Variants in GRIP1 observed in about 807,000 individuals in gnomAD.
GRIP1 encodes glutamate receptor-interacting protein 1.
In GRIP1, 45 loss-of-function variants were observed where a neutral mutation model predicts 129.9. The ratio of observed to expected loss-of-function variants is 0.35; its 90% confidence interval spans 0.27 to 0.44. GRIP1 has a LOEUF of 0.44. Among genes scored for constraint, GRIP1 ranks in the 20% least tolerant of loss-of-function variants. GRIP1 has a pLI of 1.00. For synonymous variants in GRIP1, 530 were observed against 520.8 expected, an observed-to-expected ratio of 1.02 and a Z score of -0.24; for missense variants, 1,196 against 1,396.8, an observed-to-expected ratio of 0.86 and a Z score of 2.29.
At chr12:66,718,712 C>T (rs2035967580) in intron 1 of GRIP1, among the ~76,000 whole-genome samples, 1 of 151,986 alleles carries the variant, frequency 6.6e-6, no homozygotes, top group Non-Finnish European at 1.5e-5. Flanking sequence ...ATTAGCCAGG[C>T]ATGGTGGCAG....
intron 1 of GRIP1, among the ~76,000 whole-genome samples, chr12:66,870,223 C>T (rs541291683): frequency 6.6e-6 from 1 of 151,908 alleles, no homozygotes; most frequent in Non-Finnish European, 1.5e-5. Flanking sequence ...ACAGTTGGGG[C>T]AAATATGCAT....
chr12:66,396,897 G>T (rs533186949), intron 16 of GRIP1, among the ~76,000 whole-genome samples: 1 of 151,916 alleles, frequency 6.6e-6, no homozygotes, highest in African/African-American at 2.4e-5. Flanking sequence ...GACCACCTGA[G>T]GTCAGGAGTT....
chr12:66,448,645 T>TCTC (rs2058696595), intron 11 of GRIP1, among the ~76,000 whole-genome samples: 1 of 152,148 alleles, frequency 6.6e-6, no homozygotes, highest in African/African-American at 2.4e-5. Context: ...CCACAAACTG[T>TCTC]CTCATTGGCT....
intron 7 of GRIP1, among the ~76,000 whole-genome samples, chr12:66,498,328 G>A (rs61925944): frequency 0.029 from 4,363 of 152,322 alleles, 112 homozygotes; most frequent in Admixed American, 0.059. Context: ...CTGAGATGGG[G>A]AAGATGGGAG....
In GRIP1 at chr12:66,420,757, C is replaced by G; in HGVS notation, c.1801G>C (p.Val601Leu). ...CTCCCTTTCTTGATATCTGAAATGA[C>G]GAGGGGGTCTCCTGGTTTTCTACTG... The part of the protein sequence containing the change: ...PSSRKPGDPL[V>L]ISDIKKGSVA... The change falls in exon 15 of 25, where the codon GTC (valine) becomes CTC (leucine). Residue 601 changes from valine (V) to leucine (L), a missense_variant. This residue lies in a region of GRIP1 where 508 missense variants were observed against 587.0 expected (regional missense o/e 0.87). Coordinates refer to ENST00000359742, the MANE Select transcript of GRIP1 (RefSeq NM_001366722.1). The G allele has an allele frequency of 6.3e-7, 1 of 1,588,776 alleles. No individual in the cohort carries two copies. The highest frequency in any genetic ancestry group is 8.6e-7 in the Non-Finnish European group (1 of 1,156,826).
chr12:66,684,527 C>T (rs1237611640), intron 1 of GRIP1, among the ~76,000 whole-genome samples: 1 of 152,096 alleles, frequency 6.6e-6, no homozygotes, highest in Non-Finnish European at 1.5e-5. Flanking sequence ...AACTGTCAGC[C>T]CAAATTTGCT....
chr12:66,930,052 TCTC>T (rs1296060723), intron 1 of GRIP1, among the ~76,000 whole-genome samples: 5 of 127,484 alleles, frequency 3.9e-5, no homozygotes, highest in Non-Finnish European at 6.8e-5. Context: ...TCTCTCTCTC[TCTC>T]TTTTTTTTTT....
chr12:66,421,339 T>C (rs1004647009), intron 14 of GRIP1, among the ~76,000 whole-genome samples: 1 of 152,088 alleles, frequency 6.6e-6, no homozygotes, highest in Non-Finnish European at 1.5e-5. Flanking sequence ...GGGTCAGAAG[T>C]TCGACATCAG....
chr12:66,752,665 C>T (rs1288154308), intron 1 of GRIP1, among the ~76,000 whole-genome samples: 2 of 152,070 alleles, frequency 1.3e-5, no homozygotes, highest in South Asian at 2.1e-4. Context: ...GGGCCAGAGA[C>T]ATTGCTTACC....
At chr12:66,406,498 A>G in intron 15 of GRIP1, 70 bp from the exon 16 acceptor site, 1 of 1,357,126 alleles carries the variant, frequency 7.4e-7, no homozygotes, top group East Asian at 2.3e-5. Flanking sequence ...AGAGGCATTA[A>G]GCATAATGCA....
At chr12:66,471,685 C>A (rs1447768656) in intron 7 of GRIP1, among the ~76,000 whole-genome samples, 2 of 152,172 alleles carry the variant, frequency 1.3e-5, no homozygotes, top group Non-Finnish European at 2.9e-5. Flanking sequence ...TAGCAGAGAG[C>A]TCTAAAAGAT....
intron 14 of GRIP1, 93 bp from the exon 15 acceptor site, chr12:66,420,882 T>C (rs2057782239): frequency 1.3e-6 from 1 of 775,960 alleles, no homozygotes; most frequent in African/African-American, 1.7e-5. Context: ...TTAATGCAAG[T>C]AATGTTTGTA....
At position 66,749,540 on chromosome 12, in the gene GRIP1, C is replaced by T. The variant is rs565010787; in HGVS notation, c.-420+54513G>A. The stretch of plus-strand genomic sequence containing the variant: ...CAGTGTTTTACTGACTCTTCTTAAA[C>T]GTTGATTTTGTAAAACTGTAATCCT... On this transcript the variant is annotated intron_variant, in intron 1 of 4. Transcript: ENST00000538373. 2.6e-5 allele frequency among the ~76,000 whole-genome samples: 4 copies of T among 152,252 alleles called. No individual in the cohort carries two copies. The East Asian group carries it at 5.8e-4, about 22-fold the overall frequency.
intron 1 of GRIP1, among the ~76,000 whole-genome samples, chr12:66,701,562 G>A (rs1022517357): frequency 6.6e-6 from 1 of 152,140 alleles, no homozygotes; most frequent in African/African-American, 2.4e-5. Context: ...TCTTTAGGCT[G>A]CCCATAGAAA....
chr12:66,429,653 G>A (rs1174457384), intron 14 of GRIP1, among the ~76,000 whole-genome samples: 1 of 152,044 alleles, frequency 6.6e-6, no homozygotes, highest in Admixed American at 6.6e-5. Flanking sequence ...CCCTAATAGT[G>A]CCGCTGCACT....
intron 1 of GRIP1, among the ~76,000 whole-genome samples, chr12:66,976,037 C>A (rs188643257): frequency 3.4e-4 from 52 of 152,286 alleles, no homozygotes; most frequent in Admixed American, 8.5e-4. Flanking sequence ...ACTTTGGGAT[C>A]CTTTTTTAAA....
chr12:66,421,801 T>C (rs865872984), intron 14 of GRIP1, among the ~76,000 whole-genome samples: 1 of 152,214 alleles, frequency 6.6e-6, no homozygotes, highest in Middle Eastern at 3.4e-3. Flanking sequence ...TTTTGGGTTT[T>C]TATCAATTTT....
chr12:66,700,136 G>A (rs954315513), intron 1 of GRIP1, among the ~76,000 whole-genome samples: 2 of 152,126 alleles, frequency 1.3e-5, no homozygotes, highest in Admixed American at 1.3e-4. Context: ...AGGAACTCCT[G>A]GGGGAGTCTC....
chr12:66,758,366 C>A (rs1376521419), intron 1 of GRIP1, among the ~76,000 whole-genome samples: 1 of 151,930 alleles, frequency 6.6e-6, no homozygotes, highest in Non-Finnish European at 1.5e-5. Flanking sequence ...AGACTGGCCC[C>A]CGTGATTCAA....
Sources: gnomAD v4.1 joint callset for allele counts (sites outside exome capture counted in the v4.1 genomes callset) on GRCh38, gnomAD v4.1.1 for gene constraint, gnomAD v4.1.1 regional missense constraint, MANE v1.5 for transcripts, NCBI Gene and HGNC (gene_info 2026-07-23, HGNC 2026-07-21) for gene names.